Variants in SPECC1 observed in about 807,000 individuals in gnomAD.
The protein encoded by SPECC1 is cytospin-B.
In SPECC1, 62 loss-of-function variants were observed where a neutral mutation model predicts 104.1. That is an observed-to-expected ratio of 0.60 (90% CI 0.49 to 0.74). The LOEUF is 0.74. Ranked by LOEUF, SPECC1 falls within the 30% of genes least tolerant of loss-of-function variation. SPECC1 has a pLI of 0.00. For missense variants in SPECC1, 1,306 were observed against 1,310.5 expected (o/e 1.00, Z 0.05); for synonymous variants, 513 against 501.6 (o/e 1.02, Z -0.30).
At chr17:20,281,026 G>T (rs1208111736) in intron 12 of SPECC1, among the ~76,000 whole-genome samples, 1 of 152,146 alleles carries the variant, frequency 6.6e-6, no homozygotes, top group Non-Finnish European at 1.5e-5. Context: ...AGTTTGGTTT[G>T]GTTTGTTCCT....
intron 3 of SPECC1, among the ~76,000 whole-genome samples, chr17:20,177,180 T>C (rs2034529789): frequency 6.6e-6 from 1 of 152,118 alleles, no homozygotes; most frequent in Admixed American, 6.5e-5. Flanking sequence ...GTAAAAAAAA[T>C]CCAGCAATTT....
chr17:20,184,172 C>T lies in SPECC1; in HGVS notation c.284-20161C>T, dbSNP rs1228866076. ...CTCCGGCCTGGGTGACAGAGCAAGA[C>T]TCCTGTCTCAAAAAAAAAAAAAAAA... is the stretch of plus-strand genomic sequence containing the variant. On this transcript the variant is annotated intron_variant, in intron 3 of 14. Coordinates refer to ENST00000395527, the MANE Select transcript of SPECC1 (RefSeq NM_001243439.2). 2.2e-5 allele frequency among the ~76,000 whole-genome samples: 3 copies of T among 135,804 alleles called. No homozygotes were observed. The East Asian group carries it at 6.3e-4, about 29-fold the overall frequency. 89.1% of individuals were successfully genotyped at this position (135,804 alleles called of 152,430 possible).
chr17:20,108,527 A>G (rs145875736), intron 2 of SPECC1, among the ~76,000 whole-genome samples: 56 of 152,292 alleles, frequency 3.7e-4, no homozygotes, highest in African/African-American at 9.9e-4. Context: ...TCTGACTTAT[A>G]TTACCATCAT....
At chr17:20,097,941 G>T (rs770161273) in intron 2 of SPECC1, among the ~76,000 whole-genome samples, 2 of 152,142 alleles carry the variant, frequency 1.3e-5, no homozygotes, top group Non-Finnish European at 2.9e-5. Context: ...CAGTCATGGT[G>T]ACAACCAAAA....
chr17:20,119,058 A>C (rs906372584), intron 3 of SPECC1, among the ~76,000 whole-genome samples: 2 of 152,218 alleles, frequency 1.3e-5, no homozygotes, highest in Non-Finnish European at 2.9e-5. Flanking sequence ...TCTACTATAC[A>C]GTGATGTTGG....
At chr17:20,011,352 T>G (rs2043936516) in intron 1 of SPECC1, among the ~76,000 whole-genome samples, 1 of 152,218 alleles carries the variant, frequency 6.6e-6, no homozygotes, top group Non-Finnish European at 1.5e-5. Context: ...AAAGTAAATT[T>G]AATATTTTCT....
intron 2 of SPECC1, among the ~76,000 whole-genome samples, chr17:20,099,122 C>T (rs936395293): frequency 1.3e-5 from 2 of 152,128 alleles, no homozygotes; most frequent in Non-Finnish European, 2.9e-5. Context: ...CCTTCTTTGT[C>T]ATAAGGAGTA....
At chr17:20,256,000 C>G (rs1321997289) in intron 10 of SPECC1, among the ~76,000 whole-genome samples, 1 of 152,004 alleles carries the variant, frequency 6.6e-6, no homozygotes, top group East Asian at 1.9e-4. Flanking sequence ...GCCTCAGCCT[C>G]CCGAGTAGCT....
At chr17:20,270,156 G>A (rs2040352456) in intron 12 of SPECC1, among the ~76,000 whole-genome samples, 1 of 152,090 alleles carries the variant, frequency 6.6e-6, no homozygotes, top group Non-Finnish European at 1.5e-5. Flanking sequence ...AGGGTTTTCT[G>A]TTGGGTGATG....
At position 20,204,851 on chromosome 17, in the gene SPECC1, A is replaced by G; in HGVS notation, c.802A>G (p.Ser268Gly). 2 of 1,614,072 alleles carry G rather than the reference A, an allele frequency of 1.2e-6. No individual in the cohort carries two copies. Among genetic ancestry groups the G allele is most frequent in the Non-Finnish European group, 1.7e-6 (2 of 1,180,028 alleles). Residue 268 changes from serine to glycine, a missense_variant, in exon 4 of 15, where the codon AGT (serine) becomes GGT (glycine). This residue lies in a region of SPECC1 where 1,177 missense variants were observed against 1,139.9 expected (regional missense o/e 1.03). Coordinates refer to ENST00000395527, the MANE Select transcript of SPECC1 (RefSeq NM_001243439.2). ...CTCCCCAAATTCAGAAGGGGCAGCA[A>G]GTCACACTGGCGACAGCAGCTGCCC... ...EHSPNSEGAA[S>G]HTGDSSCPTS...
chr17:20,136,424 A>G (rs2029975308), intron 3 of SPECC1, among the ~76,000 whole-genome samples: 1 of 95,828 alleles, frequency 1.0e-5, no homozygotes. Flanking sequence ...GACTCCATCT[A>G]TTAAAAAAAA....
chr17:20,033,752 A>G (rs1037954618), intron 1 of SPECC1, among the ~76,000 whole-genome samples: 4 of 152,304 alleles, frequency 2.6e-5, no homozygotes, highest in Admixed American at 2.6e-4. Flanking sequence ...GACACCTTCC[A>G]ATAAGGCCCC....
intron 7 of SPECC1, among the ~76,000 whole-genome samples, chr17:20,240,499 G>GT (rs1448367967): frequency 1.3e-5 from 2 of 151,872 alleles, no homozygotes; most frequent in Admixed American, 1.3e-4. Flanking sequence ...CTTCTCCCCA[G>GT]TATTATACAA....
intron 4 of SPECC1, among the ~76,000 whole-genome samples, chr17:20,227,212 C>T (rs969031704): frequency 2.6e-5 from 4 of 152,156 alleles, no homozygotes; most frequent in African/African-American, 9.7e-5. Context: ...ATGCCAAGGG[C>T]GTCTTTGCTA....
Position 20,294,768 on chromosome 17 carries a change from G to A in SPECC1, c.2941-2193G>A, listed in dbSNP as rs1339948688. On this transcript the variant is annotated intron_variant, in intron 12 of 14. Transcript: ENST00000395527. ...AAATAAGTCTGGGAAATGCTGGCAT[G>A]TACAAAACTAATCAGGTGGGTTAAT... 8.5e-5 allele frequency among the ~76,000 whole-genome samples: 13 copies of A among 152,210 alleles called. No homozygotes were observed. In the Middle Eastern group the frequency reaches 0.01, roughly 119 times the overall value.
intron 1 of SPECC1, among the ~76,000 whole-genome samples, chr17:20,060,163 A>G (rs1010475645): frequency 3.9e-5 from 6 of 152,268 alleles, no homozygotes; most frequent in East Asian, 3.8e-4. Context: ...TGAAGAGTGC[A>G]GCTTTCAATG....
chr17:20,167,106 A>G (rs1180742661), intron 3 of SPECC1, among the ~76,000 whole-genome samples: 2 of 149,126 alleles, frequency 1.3e-5, no homozygotes, highest in African/African-American at 4.9e-5. Flanking sequence ...CAAATACCCC[A>G]AATTAGCTAT....
intron 2 of SPECC1, among the ~76,000 whole-genome samples, chr17:20,099,987 A>G (rs917669835): frequency 3.3e-5 from 5 of 152,162 alleles, no homozygotes; most frequent in African/African-American, 9.7e-5. Flanking sequence ...ATCCTCCCAT[A>G]TACTTTAAGT....
chr17:20,299,090 G>A (rs2041474359), intron 13 of SPECC1, among the ~76,000 whole-genome samples: 1 of 151,814 alleles, frequency 6.6e-6, no homozygotes, highest in Non-Finnish European at 1.5e-5. Context: ...CAGCAGGCTG[G>A]AGACTCAGGG....
Sources: allele counts gnomAD v4.1 joint callset (sites outside exome capture counted in the v4.1 genomes callset), GRCh38; gene constraint gnomAD v4.1.1; regional missense constraint gnomAD v4.1.1; transcripts MANE v1.5; gene names NCBI Gene and HGNC (gene_info 2026-07-23, HGNC 2026-07-21).